DLG2: variants seen among roughly 807,000 people sequenced by gnomAD.
The protein encoded by DLG2 is disks large homolog 2.
A neutral mutation model predicts 132.5 loss-of-function variants in DLG2; 45 were observed. The observed-to-expected ratio is 0.34, with a 90% CI of 0.27 to 0.44. The LOEUF (loss-of-function observed/expected upper bound fraction) is 0.44. Among genes scored for constraint, DLG2 ranks in the 20% least tolerant of loss-of-function variants. DLG2 has a pLI of 1.00. For missense variants in DLG2, 1,045 were observed against 1,196.9 expected, an observed-to-expected ratio of 0.87 and a Z score of 1.87; for synonymous variants, 424 against 419.6, an observed-to-expected ratio of 1.01 and a Z score of -0.13.
chr11:83,471,750 G>A (rs1477860760), intron 23 of DLG2, 23 bp from the exon 24 acceptor site: 1 of 1,594,344 alleles, frequency 6.3e-7, no homozygotes, highest in Admixed American at 1.7e-5. Flanking sequence ...AAAGGAAGAT[G>A]TAGGTAAAGA....
At chr11:85,192,942 T>C (rs2080717235) in intron 4 of DLG2, among the ~76,000 whole-genome samples, 1 of 152,204 alleles carries the variant, frequency 6.6e-6, no homozygotes, top group Admixed American at 6.5e-5. Context: ...AATATAACTT[T>C]CTGTTCAAAA....
intron 21 of DLG2, among the ~76,000 whole-genome samples, chr11:83,510,840 T>TTG (rs1450779044): frequency 1.3e-5 from 2 of 149,170 alleles, no homozygotes; most frequent in East Asian, 2.0e-4. Flanking sequence ...GTTTTTTTTT[T>TTG]TTTTTTTTTT....
intron 7 of DLG2, among the ~76,000 whole-genome samples, chr11:84,506,521 C>T (rs2099241763): frequency 6.6e-6 from 1 of 152,160 alleles, no homozygotes; most frequent in South Asian, 2.1e-4. Flanking sequence ...AGCCAAGGAA[C>T]ATTCTAGAAA....
chr11:84,223,176 CT>C (rs1457583172), intron 8 of DLG2, among the ~76,000 whole-genome samples: 9 of 152,112 alleles, frequency 5.9e-5, no homozygotes, highest in African/African-American at 2.2e-4. Flanking sequence ...GTCATGCTTC[CT>C]TGTGTAGGGC....
intron 3 of DLG2, among the ~76,000 whole-genome samples, chr11:85,592,518 T>TTATCCATAGAGATACTTATTG (rs1424218806): frequency 2.6e-5 from 4 of 152,188 alleles, no homozygotes; most frequent in Non-Finnish European, 5.9e-5. Context: ...CAATGTAGCT[T>TTATCCATAGAGATACTTATTG]TATCCATAGA....
intron 4 of DLG2, among the ~76,000 whole-genome samples, chr11:85,261,539 T>C (rs1166734120): frequency 1.3e-5 from 2 of 152,068 alleles, no homozygotes; most frequent in East Asian, 1.9e-4. Flanking sequence ...GCCATTGTCC[T>C]GGATTGTGGG....
intron 9 of DLG2, among the ~76,000 whole-genome samples, chr11:84,103,041 T>C (rs1261553755): frequency 6.6e-6 from 1 of 152,082 alleles, no homozygotes; most frequent in Non-Finnish European, 1.5e-5. Flanking sequence ...GTGTTTCTGG[T>C]CCCAAAGCAT....
chr11:83,728,490 C>T (rs138412296), intron 18 of DLG2, among the ~76,000 whole-genome samples: 269 of 152,314 alleles, frequency 1.8e-3, no homozygotes, highest in African/African-American at 6.3e-3. Flanking sequence ...ACCTCACAGA[C>T]TGAGATAATG....
intron 7 of DLG2, among the ~76,000 whole-genome samples, chr11:84,333,553 T>C (rs1430255812): frequency 1.3e-5 from 2 of 152,182 alleles, no homozygotes; most frequent in Non-Finnish European, 2.9e-5. Flanking sequence ...CCAGGTACAT[T>C]CAAATTACAG....
At chr11:84,373,376 C>T (rs1028459803) in intron 7 of DLG2, among the ~76,000 whole-genome samples, 39 of 151,572 alleles carry the variant, frequency 2.6e-4, no homozygotes. Context: ...TCGAGACCAG[C>T]CTGGCCAACA....
At chr11:84,169,093 T>TAC in intron 8 of DLG2, among the ~76,000 whole-genome samples, 1 of 151,654 alleles carries the variant, frequency 6.6e-6, no homozygotes, top group South Asian at 2.1e-4. Flanking sequence ...CCTTAATCTC[T>TAC]TAAAACCTCA....
At chr11:84,460,035 CCTT>C (rs2099076133) in intron 7 of DLG2, among the ~76,000 whole-genome samples, 1 of 150,558 alleles carries the variant, frequency 6.6e-6, no homozygotes, top group African/African-American at 2.4e-5. Context: ...CAAATAGTGT[CCTT>C]CTATTTTAGG....
intron 17 of DLG2, among the ~76,000 whole-genome samples, chr11:83,801,653 G>C (rs2044414484): frequency 6.6e-6 from 1 of 151,986 alleles, no homozygotes; most frequent in South Asian, 2.1e-4. Flanking sequence ...TCCTCAAAGA[G>C]CTCTTTGCTG....
chr11:84,796,521 A>G (rs2074633203), intron 6 of DLG2, among the ~76,000 whole-genome samples: 1 of 152,192 alleles, frequency 6.6e-6, no homozygotes, highest in South Asian at 2.1e-4. Flanking sequence ...CTTACTGCTC[A>G]TTAACATCCG....
Position 84,024,308 on chromosome 11 carries a change from T to C in DLG2, c.919+35007A>G, listed in dbSNP as rs78758225. ...AGGTCCTTATCATCTTTAGTGCAGA[T>C]TGAGGGTCAACAGAAGAAATACAGC... On this transcript the variant is annotated intron_variant, in intron 11 of 27. Transcript: ENST00000376104. Among the ~76,000 whole-genome samples, 1,235 of 152,264 alleles carry C rather than the reference T, an allele frequency of 8.1e-3. 19 individuals are homozygous for C. Among genetic ancestry groups the C allele is most frequent in the African/African-American group, 0.028 (1,169 of 41,552 alleles).
rs527273283 is a variant in DLG2, at chr11:84,950,754, C to T, written c.357+160907G>A. ...ACACACACACACACACGCACCCCTC[C>T]CACAAGCCTACATGCCTATCTGCGG... On this transcript the variant is annotated intron_variant, in intron 6 of 27. Transcript: ENST00000376104. Among the ~76,000 whole-genome samples, 4 of 152,094 alleles carry T rather than the reference C, an allele frequency of 2.6e-5. 1 individual carries two copies. In the South Asian group the frequency reaches 8.3e-4, roughly 32 times the overall value.
intron 4 of DLG2, among the ~76,000 whole-genome samples, chr11:85,233,404 A>G (rs567932088): frequency 6.6e-6 from 1 of 151,740 alleles, no homozygotes; most frequent in East Asian, 1.9e-4. Flanking sequence ...AAGATCCCTC[A>G]TTTTTCACAG....
At chr11:83,795,406 TA>T (rs1199024106) in intron 17 of DLG2, among the ~76,000 whole-genome samples, 4 of 124,224 alleles carry the variant, frequency 3.2e-5, no homozygotes, top group Non-Finnish European at 6.4e-5. Context: ...AGACTCTTTA[TA>T]AGAAAAAAAA....
chr11:84,414,473 C>T (rs966177978), intron 7 of DLG2, among the ~76,000 whole-genome samples: 12 of 152,098 alleles, frequency 7.9e-5, no homozygotes, highest in African/African-American at 2.7e-4. Flanking sequence ...GCCTGAGGGA[C>T]GAACTTGGAC....
Sources: gnomAD v4.1 joint callset for allele counts (sites outside exome capture counted in the v4.1 genomes callset) on GRCh38, gnomAD v4.1.1 for gene constraint, MANE v1.5 for transcripts, NCBI Gene and HGNC (gene_info 2026-07-23, HGNC 2026-07-21) for gene names.